PHF8: variants seen among roughly 807,000 people sequenced by gnomAD.
The protein encoded by PHF8 is PHD finger protein 8.
A neutral mutation model predicts 74.4 loss-of-function variants in PHF8; 9 were observed. The ratio of observed to expected loss-of-function variants is 0.12; its 90% CI spans 0.07 to 0.21. The LOEUF (loss-of-function observed/expected upper bound fraction) is 0.21, where lower values mean the gene tolerates loss of function less well. Among genes scored for constraint, PHF8 ranks in the 10% least tolerant of loss-of-function variants. The pLI is 1.00. For synonymous variants in PHF8, 311 were observed against 316.6 expected (o/e 0.98, Z 0.19); for missense variants, 478 against 816.6 (o/e 0.59, Z 5.05).
intron 19 of PHF8, among the ~76,000 whole-genome samples, chrX:53,957,884 G>C (rs1181359426): frequency 7.2e-5 from 8 of 111,495 alleles, no homozygotes; most frequent in Non-Finnish European, 1.5e-4. Context: ...GAGAGAACAA[G>C]CACTCACTAA....
At chrX:54,025,362 A>G (rs2066251345) in intron 2 of PHF8, among the ~76,000 whole-genome samples, 1 of 109,739 alleles carries the variant, frequency 9.1e-6, no homozygotes, top group Non-Finnish European at 1.9e-5. Context: ...GTGGGTAGCC[A>G]TCCCTCTCAC....
At chrX:54,021,077 T>C (rs1325556582) in intron 4 of PHF8, among the ~76,000 whole-genome samples, 1 of 112,382 alleles carries the variant, frequency 8.9e-6, no homozygotes, top group Non-Finnish European at 1.9e-5. Flanking sequence ...AAAAGTGTGG[T>C]ACATATATAT....
chrX:53,994,861 G>C (rs189027893), intron 12 of PHF8, among the ~76,000 whole-genome samples: 28 of 112,162 alleles, frequency 2.5e-4, no homozygotes, highest in African/African-American at 8.4e-4. Context: ...GAGCTTAAAG[G>C]AATTCTCCTC....
chrX:54,010,596 T>C (rs1374593845), intron 8 of PHF8, among the ~76,000 whole-genome samples: 1 of 111,328 alleles, frequency 9.0e-6, no homozygotes, highest in Non-Finnish European at 1.9e-5. Flanking sequence ...AAAATCTAAA[T>C]AAATGGAGAG....
chrX:53,997,969 T>A (rs1243084044), intron 11 of PHF8, among the ~76,000 whole-genome samples: 2 of 112,107 alleles, frequency 1.8e-5, no homozygotes, highest in East Asian at 5.6e-4. Flanking sequence ...TGCAGTGCAG[T>A]GACCTTTGGT....
intron 18 of PHF8, among the ~76,000 whole-genome samples, chrX:53,971,892 C>T (rs1191274726): frequency 4.5e-5 from 5 of 111,198 alleles, no homozygotes; most frequent in Admixed American, 1.9e-4. Context: ...TAGCTGAATT[C>T]CACTACAGGT....
intron 2 of PHF8, among the ~76,000 whole-genome samples, chrX:54,037,724 T>A (rs1054292800): frequency 8.9e-6 from 1 of 112,584 alleles, no homozygotes; most frequent in African/African-American, 3.2e-5. Context: ...GTAATTTGAA[T>A]AGTCCTATAA....
intron 18 of PHF8, among the ~76,000 whole-genome samples, chrX:53,969,207 C>A (rs2065256819): frequency 9.0e-6 from 1 of 110,998 alleles, no homozygotes; most frequent in African/African-American, 3.3e-5. Context: ...TGAACTCCAG[C>A]CTGGGTGACA....
chrX:53,999,642 A>AT (rs2065799816), intron 11 of PHF8: 4 of 385,882 alleles, frequency 1.0e-5, no homozygotes, highest in African/African-American at 1.0e-4. Context: ...TTCCTTCTTT[A>AT]TGCTTTTCCT....
At chrX:54,042,514 TGA>T in intron 2 of PHF8, 115 bp downstream of exon 2, 1 of 610,416 alleles carries the variant, frequency 1.6e-6, no homozygotes, top group Non-Finnish European at 2.7e-6. Flanking sequence ...TGGCAGAACC[TGA>T]GTCTGGGAGA....
Position 54,043,862 on chromosome X carries a change from T to C in PHF8, c.-193A>G. ...ATCCTACAGGGACCTCCTCATGCTT[T>C]GGGCTGCAAGGACTCCACGCCCGCG... On this transcript the variant is annotated 5_prime_UTR_variant, in exon 1 of 22. Coordinates refer to ENST00000338154, the MANE Select transcript of PHF8 (RefSeq NM_015107.3). 2 of 753,952 alleles carry C rather than the reference T, an allele frequency of 2.7e-6. No individual in the cohort carries two copies. The highest frequency in any genetic ancestry group is 3.1e-6 in the Non-Finnish European group (2 of 638,590). 62.1% of individuals were successfully genotyped at this position (753,952 alleles called of 1,213,427 possible). A position where few individuals can be genotyped will look rare whatever the true frequency, so the allele number is the denominator to read the frequency against.
At position 53,938,171 on chromosome X, in the gene PHF8, G is replaced by A; in HGVS notation, c.*987C>T. On this transcript the variant is annotated 3_prime_UTR_variant, in exon 22 of 22. Transcript: ENST00000338154. ...AGTTCCCGATGGAGGACCCAGGTGT[G>A]GGCCGTCCCGCCACACCCTCCATAA... 9.0e-7 allele frequency: 1 copy of A among 1,106,356 alleles called. No homozygotes were observed. The highest frequency in any genetic ancestry group is 3.3e-5 in the East Asian group (1 of 29,943). The allele number at this position is 1,106,356 out of a possible 1,213,427, so 91.2% of individuals were successfully genotyped here.
intron 2 of PHF8, among the ~76,000 whole-genome samples, chrX:54,029,684 C>T (rs782270421): frequency 3.6e-5 from 4 of 111,766 alleles, no homozygotes; most frequent in African/African-American, 1.3e-4. Flanking sequence ...GTACATGAAC[C>T]CAACCGACTC....
At chrX:53,987,311 T>C (rs1557099861) in intron 15 of PHF8, 148 bp from the exon 16 acceptor site, 1 of 467,959 alleles carries the variant, frequency 2.1e-6, no homozygotes, top group East Asian at 3.7e-5. Context: ...AAATAAATCT[T>C]TAGAACAAAG....
rs1557099816 is a variant in PHF8 at position 53,987,180 on chromosome X, T to C, written c.1910-17A>G. 1.9e-6 allele frequency: 2 copies of C among 1,051,925 alleles called. No individual in the cohort carries two copies. Among genetic ancestry groups the C allele is most frequent in the Non-Finnish European group, 2.7e-6 (2 of 750,050 alleles). 86.7% of individuals were successfully genotyped at this position (1,051,925 alleles called of 1,213,427 possible). ...GGGGAAATTCTAGAAAACAATGGAA[T>C]GCACTTATTATGAAGCTATGATTAG... On this transcript the variant is annotated splice_polypyrimidine_tract_variant and intron_variant, in intron 15 of 21. Coordinates refer to ENST00000338154, the MANE Select transcript of PHF8 (RefSeq NM_015107.3).
chrX:54,015,074 C>A (rs955242026), intron 6 of PHF8, among the ~76,000 whole-genome samples: 1 of 111,860 alleles, frequency 8.9e-6, no homozygotes, highest in East Asian at 2.8e-4. Context: ...ACTCTATAGT[C>A]CATTTCCACC....
chrX:53,998,865 A>G (rs2065788226), intron 11 of PHF8, among the ~76,000 whole-genome samples: 1 of 112,034 alleles, frequency 8.9e-6, no homozygotes. Flanking sequence ...ACTTTGATTC[A>G]GTAATTGTTC....
chrX:54,039,469 A>G (rs1383127699), intron 2 of PHF8, among the ~76,000 whole-genome samples: 4 of 111,879 alleles, frequency 3.6e-5, no homozygotes, highest in African/African-American at 1.3e-4. Flanking sequence ...AAGGCAGTTA[A>G]CTTGTGTTAG....
At chrX:54,042,552 A>G (rs2066577588) in intron 2 of PHF8, 79 bp downstream of exon 2, 1 of 903,437 alleles carries the variant, frequency 1.1e-6, no homozygotes, top group Non-Finnish European at 1.6e-6. Flanking sequence ...GAATCTAAAA[A>G]CAGAGCTGAG....
Sources: gnomAD v4.1 joint callset for allele counts (sites outside exome capture counted in the v4.1 genomes callset) on GRCh38, gnomAD v4.1.1 for gene constraint, MANE v1.5 for transcripts, NCBI Gene and HGNC (gene_info 2026-07-23, HGNC 2026-07-21) for gene names.